The following RTL4 variants were observed in gnomAD, a reference collection of about 807,000 sequenced individuals.
The protein encoded by RTL4 is retrotransposon Gag like 4.
A neutral mutation model predicts 5.3 loss-of-function variants in RTL4; 4 were observed. That is an observed-to-expected ratio of 0.75 (90% CI 0.37 to 1.72). RTL4 has a LOEUF of 1.72. RTL4 is among the 40% of genes most tolerant of loss of function. RTL4 has a pLI of 0.04. For missense variants in RTL4, 260 were observed against 227.1 expected (o/e 1.14, Z -0.93); for synonymous variants, 98 against 87.3 (o/e 1.12, Z -0.68).
the RTL4 span, among the ~76,000 whole-genome samples, chrX:112,332,707 G>A: frequency 9.3e-6 from 1 of 107,138 alleles, no homozygotes; most frequent in African/African-American, 3.4e-5. Flanking sequence ...AGAAGGGATA[G>A]CATTAGGAGA....
chrX:112,316,204 G>C, the RTL4 span, among the ~76,000 whole-genome samples: 1 of 112,131 alleles, frequency 8.9e-6, no homozygotes, highest in Non-Finnish European at 1.9e-5. Context: ...AATGATTCCT[G>C]TTTATATTAA....
the RTL4 span, among the ~76,000 whole-genome samples, chrX:112,238,088 C>T: frequency 8.9e-6 from 1 of 111,974 alleles, no homozygotes; most frequent in Non-Finnish European, 1.9e-5. Flanking sequence ...AACAACACTC[C>T]TATCCCTTCA....
chrX:112,187,830 C>A, the RTL4 span, among the ~76,000 whole-genome samples: 1 of 111,470 alleles, frequency 9.0e-6, no homozygotes, highest in East Asian at 2.8e-4. Context: ...ACATCAACTG[C>A]CAAACAAAAG....
the RTL4 span, among the ~76,000 whole-genome samples, chrX:112,136,411 T>G: frequency 3.6e-5 from 4 of 111,948 alleles, no homozygotes; most frequent in African/African-American, 1.3e-4. Flanking sequence ...TTCCAGATCA[T>G]ACAGTAAAAG....
the RTL4 span, among the ~76,000 whole-genome samples, chrX:112,160,975 C>A: frequency 9.1e-6 from 1 of 110,456 alleles, no homozygotes; most frequent in Non-Finnish European, 1.9e-5. Context: ...AAAAGCATGC[C>A]GCTCCCCCAG....
At chrX:112,300,888 G>A in the RTL4 span, among the ~76,000 whole-genome samples, 1 of 111,507 alleles carries the variant, frequency 9.0e-6, no homozygotes, top group African/African-American at 3.3e-5. Context: ...AAAGAGCAGG[G>A]AAGACAATTA....
chrX:112,328,268 T>A, the RTL4 span, among the ~76,000 whole-genome samples: 795 of 110,503 alleles, frequency 7.2e-3, 11 homozygotes, highest in African/African-American at 0.025. Context: ...ACCCATCTCA[T>A]GTGCAGAGAC....
At chrX:112,264,498 G>A in the RTL4 span, among the ~76,000 whole-genome samples, 1,606 of 112,242 alleles carry the variant, frequency 0.014, 10 homozygotes, top group Non-Finnish European at 0.02. Flanking sequence ...TTTCAGGAAT[G>A]AGAATGGGCT....
chrX:112,446,739 T>C, the RTL4 span, among the ~76,000 whole-genome samples: 7 of 111,774 alleles, frequency 6.3e-5, no homozygotes, highest in African/African-American at 2.3e-4. Flanking sequence ...TCCCAGCTAC[T>C]TGGGAGGCTG....
the RTL4 span, among the ~76,000 whole-genome samples, chrX:112,243,227 G>A: frequency 3.6e-5 from 4 of 111,664 alleles, no homozygotes; most frequent in Non-Finnish European, 5.6e-5. Context: ...AGTTAGGGAG[G>A]ATTCCCTCTT....
the RTL4 span, among the ~76,000 whole-genome samples, chrX:112,291,241 A>C: frequency 9.1e-6 from 1 of 110,400 alleles, no homozygotes; most frequent in Non-Finnish European, 1.9e-5. Flanking sequence ...ACAGATCAAC[A>C]TTTCCTTCCT....
At chrX:112,302,880 T>C in the RTL4 span, among the ~76,000 whole-genome samples, 1 of 112,443 alleles carries the variant, frequency 8.9e-6, no homozygotes, top group Non-Finnish European at 1.9e-5. Flanking sequence ...TTTAAAAAAT[T>C]ACAAAAATGT....
At chrX:112,396,360 C>T in the RTL4 span, among the ~76,000 whole-genome samples, 2 of 111,515 alleles carry the variant, frequency 1.8e-5, no homozygotes, top group African/African-American at 3.3e-5. Flanking sequence ...TCTTTCCTAC[C>T]CTCATCAGTG....
At chrX:112,272,877 A>C in the RTL4 span, among the ~76,000 whole-genome samples, 7,300 of 110,961 alleles carry the variant, frequency 0.066, 567 homozygotes, top group African/African-American at 0.23. Context: ...TATTTATTAA[A>C]TCATTTAGTC....
chrX:112,369,537 G>A, the RTL4 span, among the ~76,000 whole-genome samples: 1 of 111,560 alleles, frequency 9.0e-6, no homozygotes, highest in African/African-American at 3.3e-5. Flanking sequence ...TTGAATGAAT[G>A]AATAAATGAA....
the RTL4 span, among the ~76,000 whole-genome samples, chrX:112,438,187 A>G: frequency 9.1e-6 from 1 of 109,584 alleles, no homozygotes; most frequent in Non-Finnish European, 1.9e-5. Flanking sequence ...TAGTCAAAAT[A>G]TCATCTGTGG....
At chrX:112,137,373 C>T in the RTL4 span, among the ~76,000 whole-genome samples, 5,245 of 111,510 alleles carry the variant, frequency 0.047, 266 homozygotes, top group African/African-American at 0.15. Context: ...AGGTAATTTA[C>T]GAAGGAAAGA....
the RTL4 span, among the ~76,000 whole-genome samples, chrX:112,088,510 C>T: frequency 1.8e-5 from 2 of 112,114 alleles, no homozygotes; most frequent in South Asian, 7.4e-4. Context: ...AATAATGCTG[C>T]TACAAACATT....
At chrX:112,424,959 A>G in the RTL4 span, among the ~76,000 whole-genome samples, 1 of 111,123 alleles carries the variant, frequency 9.0e-6, no homozygotes, top group East Asian at 2.8e-4. Flanking sequence ...CATGGTTGAC[A>G]TTAGGATTCA....
Sources: gnomAD v4.1 joint callset for allele counts (sites outside exome capture counted in the v4.1 genomes callset) on GRCh38, gnomAD v4.1.1 for gene constraint, MANE v1.5 for transcripts, NCBI Gene and HGNC (gene_info 2026-07-23, HGNC 2026-07-21) for gene names.